The following UBE2W variants were observed in gnomAD, a reference collection of about 807,000 sequenced individuals.
UBE2W encodes ubiquitin conjugating enzyme E2 W, also known as ubiquitin-conjugating enzyme E2 W.
In UBE2W, 18 loss-of-function variants were observed where a neutral mutation model predicts 27.2. The ratio of observed to expected loss-of-function variants is 0.66; its 90% confidence interval spans 0.46 to 0.98. The LOEUF (loss-of-function observed/expected upper bound fraction) is 0.98, where lower values mean the gene tolerates loss of function less well. UBE2W is among the 50% of genes least tolerant of loss of function. The pLI is 0.00. For synonymous variants in UBE2W, 53 were observed against 57.2 expected (o/e 0.93, Z 0.33); for missense variants, 90 against 180.2 (o/e 0.50, Z 2.87).
chr8:73,868,061 A>G (rs1415037042), intron 1 of UBE2W, among the ~76,000 whole-genome samples: 1 of 152,338 alleles, frequency 6.6e-6, no homozygotes, highest in Non-Finnish European at 1.5e-5. Flanking sequence ...CTTGGAAGTT[A>G]TAAATATCCT....
At chr8:73,825,794 G>A (rs1440573783) in intron 2 of UBE2W, among the ~76,000 whole-genome samples, 1 of 152,144 alleles carries the variant, frequency 6.6e-6, no homozygotes, top group East Asian at 1.9e-4. Flanking sequence ...GGGCAAGACT[G>A]TCTCAAAATA....
At chr8:73,818,457 A>G (rs1482324406) in intron 3 of UBE2W, among the ~76,000 whole-genome samples, 6 of 152,200 alleles carry the variant, frequency 3.9e-5, no homozygotes, top group African/African-American at 7.2e-5. Flanking sequence ...AAATAGGACT[A>G]TATCGTTCCT....
chr8:73,872,628 T>C (rs1812047214), intron 1 of UBE2W, among the ~76,000 whole-genome samples: 1 of 152,214 alleles, frequency 6.6e-6, no homozygotes, highest in Non-Finnish European at 1.5e-5. Flanking sequence ...CTGAAATCTG[T>C]TGATGCTGTG....
At chr8:73,824,844 T>C (rs948405931) in intron 3 of UBE2W, among the ~76,000 whole-genome samples, 2 of 152,174 alleles carry the variant, frequency 1.3e-5, no homozygotes, top group Non-Finnish European at 2.9e-5. Flanking sequence ...CATGGACCAG[T>C]ACTAGTCCAC....
chr8:73,794,101 A>AT lies in UBE2W; in HGVS notation c.456dup. 6.2e-7 allele frequency: 1 copy of AT among 1,613,572 alleles called. No individual in the cohort carries two copies. The highest frequency in any genetic ancestry group is 1.1e-5 in the South Asian group (1 of 90,956). On this transcript the variant is annotated 3_prime_UTR_variant, in exon 6 of 6. Transcript: ENST00000602593. ...CTGCTAGGAGGATGATAACAGTGGC[A>AT]TCAACAAGTATCATCTTTAAGAAAA...
At chr8:73,785,742 C>A (rs1807935107), downstream of UBE2W, among the ~76,000 whole-genome samples, 1 of 152,266 alleles carries the variant, frequency 6.6e-6, no homozygotes, top group East Asian at 1.9e-4. Flanking sequence ...CAGGCGCCCA[C>A]CACCACGCCG....
intron 3 of UBE2W, among the ~76,000 whole-genome samples, chr8:73,811,777 A>C (rs1262948082): frequency 1.3e-5 from 2 of 152,142 alleles, no homozygotes; most frequent in Non-Finnish European, 2.9e-5. Flanking sequence ...GTAAGGAGAA[A>C]TCTTACCTTA....
At chr8:73,836,163 T>A (rs954941602) in intron 1 of UBE2W, among the ~76,000 whole-genome samples, 3 of 152,156 alleles carry the variant, frequency 2.0e-5, no homozygotes, top group African/African-American at 7.2e-5. Context: ...TACTTCCTCA[T>A]CAATATCACT....
chr8:73,822,036 G>A (rs1809634107), intron 3 of UBE2W, among the ~76,000 whole-genome samples: 1 of 152,148 alleles, frequency 6.6e-6, no homozygotes, highest in South Asian at 2.1e-4. Flanking sequence ...CAGAATTGAA[G>A]CTGTAAAACT....
intron 5 of UBE2W, among the ~76,000 whole-genome samples, chr8:73,801,397 A>T (rs1042855736): frequency 2.6e-5 from 4 of 152,208 alleles, no homozygotes; most frequent in Non-Finnish European, 5.9e-5. Context: ...GTTGTACTTT[A>T]AAAAATGTGT....
intron 3 of UBE2W, among the ~76,000 whole-genome samples, chr8:73,823,970 A>G (rs1041367797): frequency 2.0e-5 from 3 of 152,200 alleles, no homozygotes; most frequent in African/African-American, 7.2e-5. Context: ...GCACCCAACA[A>G]GCAAAATTTT....
chr8:73,864,394 T>A (rs1007793837), intron 1 of UBE2W, among the ~76,000 whole-genome samples: 3 of 152,146 alleles, frequency 2.0e-5, no homozygotes, highest in Non-Finnish European at 2.9e-5. Context: ...AAATTTTTTT[T>A]AATTAAAATA....
At chr8:73,870,542 A>G (rs1239196541) in intron 1 of UBE2W, among the ~76,000 whole-genome samples, 2 of 152,198 alleles carry the variant, frequency 1.3e-5, no homozygotes, top group Non-Finnish European at 2.9e-5. Flanking sequence ...GAGGTTACAC[A>G]GCTATTAAAC....
chr8:73,821,554 TGTG>T (rs1478166264), intron 3 of UBE2W, among the ~76,000 whole-genome samples: 1 of 1,364 alleles, frequency 7.3e-4, no homozygotes, highest in African/African-American at 2.2e-3. Flanking sequence ...GGAGTGTGTG[TGTG>T]GGGGGGGGGG....
intron 5 of UBE2W, among the ~76,000 whole-genome samples, 197 bp downstream of exon 5, chr8:73,805,454 C>CAAAAAAAAAAAA (rs1162712227): frequency 0.042 from 604 of 14,554 alleles, 105 homozygotes; most frequent in Non-Finnish European, 0.061. Flanking sequence ...AACTCCATCT[C>CAAAAAAAAAAAA]AAAAAAAAAA....
intron 1 of UBE2W, among the ~76,000 whole-genome samples, chr8:73,865,799 T>A (rs960848401): frequency 2.6e-5 from 4 of 152,174 alleles, no homozygotes; most frequent in African/African-American, 4.8e-5. Flanking sequence ...AATTTTAAAA[T>A]TTTTTAAATT....
At chr8:73,866,288 AAAATATATAT>A (rs1381655442) in intron 1 of UBE2W, among the ~76,000 whole-genome samples, 14 of 80,342 alleles carry the variant, frequency 1.7e-4, no homozygotes, top group African/African-American at 6.8e-4. Context: ...AAAAAAAAAA[AAAATATATAT>A]ATATATATAT....
intron 1 of UBE2W, among the ~76,000 whole-genome samples, chr8:73,839,263 G>A (rs1159990754): frequency 6.9e-6 from 1 of 145,442 alleles, no homozygotes; most frequent in Non-Finnish European, 1.5e-5. Flanking sequence ...GAACATTACT[G>A]TTTAGAATGA....
At position 73,839,347 on chromosome 8, in the gene UBE2W, TAAAAAA is replaced by T. The variant is rs34467910; in HGVS notation, c.16-8881_16-8876del. Reference sequence around the variant, plus strand: ...GACATTTTTTTAAAATGCTCCTAGTTAAAAAAAAAAAAAAAAAAAAGTATTTTGGCA... The same window carrying T: ...GACATTTTTTTAAAATGCTCCTAGTTAAAAAAAAAAAAAAGTATTTTGGCA... On this transcript the variant is annotated intron_variant, in intron 1 of 5. Transcript: ENST00000602593. Among the ~76,000 whole-genome samples, 317 of 131,710 alleles carry T rather than the reference TAAAAAA, an allele frequency of 2.4e-3. 1 individual carries two copies. The highest frequency in any genetic ancestry group is 7.9e-3 in the African/African-American group (290 of 36,648). The allele number at this position is 131,710 out of a possible 152,430, so 86.4% of individuals were successfully genotyped here.
Sources: allele counts gnomAD v4.1 joint callset (sites outside exome capture counted in the v4.1 genomes callset), GRCh38; gene constraint gnomAD v4.1.1; transcripts MANE v1.5; gene names NCBI Gene and HGNC (gene_info 2026-07-23, HGNC 2026-07-21).